The following PARVA variants were observed in gnomAD, a reference collection of about 807,000 sequenced individuals.
PARVA encodes alpha-parvin.
A neutral mutation model predicts 52.6 loss-of-function variants in PARVA; 25 were observed. The observed-to-expected ratio is 0.48, with a 90% CI of 0.35 to 0.66. PARVA has a LOEUF of 0.66. PARVA is among the 30% of genes least tolerant of loss of function. PARVA has a pLI of 0.01. For synonymous variants in PARVA, 185 were observed against 179.1 expected (o/e 1.03, Z -0.26); for missense variants, 373 against 450.9 (o/e 0.83, Z 1.56).
chr11:12,508,044 C>A (rs2135071714), intron 6 of PARVA, among the ~76,000 whole-genome samples: 1 of 142,214 alleles, frequency 7.0e-6, no homozygotes, highest in South Asian at 2.2e-4. Context: ...AGAGAATAAG[C>A]TAGTTACCTG....
intron 8 of PARVA, among the ~76,000 whole-genome samples, 161 bp downstream of exon 8, chr11:12,511,694 G>GC (rs951381343): frequency 5.9e-5 from 9 of 151,968 alleles, no homozygotes; most frequent in Non-Finnish European, 1.3e-4. Flanking sequence ...CAGCTTACTG[G>GC]CGGGAAGAAG....
At chr11:12,486,710 G>A (rs1941163258) in intron 4 of PARVA, among the ~76,000 whole-genome samples, 2 of 152,074 alleles carry the variant, frequency 1.3e-5, no homozygotes, top group East Asian at 1.9e-4. Flanking sequence ...GTGGGGCATG[G>A]TGGTGGGCGC....
chr11:12,402,121 A>G (rs948525258), intron 1 of PARVA, among the ~76,000 whole-genome samples: 4 of 152,178 alleles, frequency 2.6e-5, no homozygotes, highest in African/African-American at 9.7e-5. Flanking sequence ...GACCATTTAC[A>G]AAGAGTGGGT....
intron 5 of PARVA, among the ~76,000 whole-genome samples, chr11:12,503,867 G>C (rs142804907): frequency 8.1e-4 from 123 of 152,280 alleles, no homozygotes; most frequent in African/African-American, 2.9e-3. Context: ...ATTAAGAAAG[G>C]CTTGAGGCTG....
intron 1 of PARVA, among the ~76,000 whole-genome samples, chr11:12,429,652 T>G (rs1294630067): frequency 2.0e-5 from 3 of 152,216 alleles, no homozygotes; most frequent in African/African-American, 7.2e-5. Flanking sequence ...CTTTTCCCAA[T>G]AAATTTATTG....
chr11:12,452,601 C>T (rs1940638285), intron 1 of PARVA: 1 of 159,478 alleles, frequency 6.3e-6, no homozygotes. Flanking sequence ...TTCAGATCCC[C>T]CAGGTGAGAC....
chr11:12,401,432 C>CT (rs1323619530), intron 1 of PARVA, among the ~76,000 whole-genome samples: 5 of 152,112 alleles, frequency 3.3e-5, no homozygotes, highest in African/African-American at 9.7e-5. Context: ...TTTTTCAGAA[C>CT]TTTTTTTGCC....
At chr11:12,415,195 A>C (rs115588704) in intron 1 of PARVA, among the ~76,000 whole-genome samples, 175 of 152,244 alleles carry the variant, frequency 1.1e-3, no homozygotes, top group African/African-American at 4.1e-3. Context: ...GCGTTTTGGG[A>C]CTGGAAATCT....
chr11:12,419,175 C>T (rs934862402), intron 1 of PARVA, among the ~76,000 whole-genome samples: 1 of 152,108 alleles, frequency 6.6e-6, no homozygotes, highest in Non-Finnish European at 1.5e-5. Flanking sequence ...GTGTACAGTT[C>T]AGTAGTATAA....
At chr11:12,516,116 G>A (rs963145091) in intron 10 of PARVA, among the ~76,000 whole-genome samples, 4 of 152,236 alleles carry the variant, frequency 2.6e-5, no homozygotes, top group Non-Finnish European at 4.4e-5. Flanking sequence ...TGCGATTACA[G>A]GCATGAGCCA....
intron 3 of PARVA, among the ~76,000 whole-genome samples, chr11:12,474,422 GT>G (rs1940977581): frequency 6.6e-6 from 1 of 152,034 alleles, no homozygotes; most frequent in South Asian, 2.1e-4. Flanking sequence ...AGGAGATGAA[GT>G]GACATACTGT....
Position 12,528,189 on chromosome 11 carries a change from T to C in PARVA, c.*264T>C. ...TTCCCTTCCCGGTGCCAGGTCCAGA[T>C]TTCCCTCCATGATTTGGGAACCAGC... On this transcript the variant is annotated 3_prime_UTR_variant, in exon 13 of 13. Coordinates refer to ENST00000334956, the MANE Select transcript of PARVA (RefSeq NM_018222.5). 2.0e-6 allele frequency: 1 copy of C among 504,382 alleles called. No homozygotes were observed. The highest frequency in any genetic ancestry group is 3.1e-5 in the South Asian group (1 of 32,298). 31.2% of individuals were successfully genotyped at this position (504,382 alleles called of 1,614,324 possible).
chr11:12,475,896 G>A (rs1941006987), intron 3 of PARVA, among the ~76,000 whole-genome samples: 1 of 152,190 alleles, frequency 6.6e-6, no homozygotes, highest in Non-Finnish European at 1.5e-5. Flanking sequence ...GAGACCCTGA[G>A]CCCTCACCTT....
intron 1 of PARVA, among the ~76,000 whole-genome samples, chr11:12,411,027 T>C (rs982011694): frequency 1.3e-5 from 2 of 152,156 alleles, no homozygotes; most frequent in African/African-American, 4.8e-5. Flanking sequence ...GGAGATCAAG[T>C]ATGGTACTTA....
At chr11:12,496,821 AAAAGGCTTTGCATAG>A (rs1417952156) in intron 5 of PARVA, among the ~76,000 whole-genome samples, 1 of 152,212 alleles carries the variant, frequency 6.6e-6, no homozygotes, top group Non-Finnish European at 1.5e-5. Context: ...CCTCTTCTGT[AAAAGGCTTTGCATAG>A]AAACCTCACG....
At chr11:12,501,891 AACTT>A (rs10597440) in intron 5 of PARVA, among the ~76,000 whole-genome samples, 82,914 of 151,518 alleles carry the variant, frequency 0.55, 23,083 homozygotes, top group Middle Eastern at 0.6. Flanking sequence ...GTATAAGAAC[AACTT>A]ACTTGATCAC....
chr11:12,390,875 G>T (rs1939649691), intron 1 of PARVA, among the ~76,000 whole-genome samples: 1 of 152,144 alleles, frequency 6.6e-6, no homozygotes, highest in African/African-American at 2.4e-5. Context: ...AAACACAGGA[G>T]GAGGGTAACA....
In PARVA at chr11:12,532,346, G is replaced by A. The variant is rs564223277; in HGVS notation, c.*4421G>A. Among the ~76,000 whole-genome samples, 38 of 152,294 alleles carry A rather than the reference G, an allele frequency of 2.5e-4. No homozygotes were observed. The highest frequency in any genetic ancestry group is 8.2e-4 in the African/African-American group (34 of 41,582). On this transcript the variant is annotated 3_prime_UTR_variant, in exon 13 of 13. Coordinates refer to ENST00000334956, the MANE Select transcript of PARVA (RefSeq NM_018222.5). ...ACGCTTTTTGTTTTCTAGTTGGAGC[G>A]CACCTCAGAGTCCCCTACATAATGC... is the stretch of plus-strand genomic sequence containing the variant.
intron 12 of PARVA, among the ~76,000 whole-genome samples, chr11:12,521,684 T>C (rs1326187176): frequency 1.3e-5 from 2 of 152,106 alleles, no homozygotes; most frequent in African/African-American, 4.8e-5. Flanking sequence ...ATCTAGGTGG[T>C]CCCAATGTCA....
Sources: gnomAD v4.1 joint callset for allele counts (sites outside exome capture counted in the v4.1 genomes callset) on GRCh38, gnomAD v4.1.1 for gene constraint, MANE v1.5 for transcripts, NCBI Gene and HGNC (gene_info 2026-07-23, HGNC 2026-07-21) for gene names.